TSHR: variants seen among roughly 807,000 people sequenced by gnomAD.
TSHR encodes the protein thyroid stimulating hormone receptor, also known as thyrotropin receptor.
In TSHR, 51 loss-of-function variants were observed where a neutral mutation model predicts 64.1. That is an observed-to-expected ratio of 0.80 (90% CI 0.64 to 1.01). TSHR has a LOEUF of 1.01. Among genes scored for constraint, TSHR ranks in the 50% least tolerant of loss-of-function variants. The pLI, the probability that TSHR is intolerant of heterozygous loss-of-function variation, is 0.00. For synonymous variants in TSHR, 361 were observed against 361.9 expected (o/e 1.00, Z 0.03); for missense variants, 877 against 942.8 (o/e 0.93, Z 0.91).
intron 1 of TSHR, among the ~76,000 whole-genome samples, chr14:81,037,419 C>CAAAAAAAAAAAAAAAAAAAAAAAAAAGGA (rs748986847): frequency 1.0e-5 from 1 of 99,068 alleles, no homozygotes; most frequent in African/African-American, 3.8e-5. Flanking sequence ...AAAGGAAATA[C>CAAAAAAAAAAAAAAAAAAAAAAAAAAGGA]AAAACAAACA....
rs1256134843 is a variant in TSHR at position 81,146,082 on chromosome 14, G to A, written c.*1729G>A. The A allele has an allele frequency of 2.6e-5, 6 of 229,522 alleles. No homozygotes were observed. The highest frequency in any genetic ancestry group is 1.1e-4 in the Admixed American group (2 of 17,658). 14.2% of individuals were successfully genotyped at this position (229,522 alleles called of 1,614,324 possible). ...AAAATCATGACTTACCTAGAAGTTC[G>A]CTTGTAACTAATGAAATTAAACAAA... On this transcript the variant is annotated 3_prime_UTR_variant, in exon 10 of 10. Transcript: ENST00000298171.
At chr14:81,051,658 G>A (rs1885440068) in intron 1 of TSHR, 1 of 152,126 alleles carries the variant, frequency 6.6e-6, no homozygotes, top group Non-Finnish European at 1.5e-5. Context: ...CCACAACACA[G>A]TGTGTGATGG....
At chr14:81,108,735 G>C in intron 8 of TSHR, 7 of 1,612,334 alleles carry the variant, frequency 4.3e-6, no homozygotes, top group African/African-American at 4.0e-5. Flanking sequence ...TCTGTTCATG[G>C]AGCAGCTGCT....
chr14:81,084,184 C>T (rs778025328), intron 3 of TSHR, among the ~76,000 whole-genome samples: 6 of 152,172 alleles, frequency 3.9e-5, no homozygotes, highest in East Asian at 1.9e-4. Context: ...CTAATCAATA[C>T]GCTTTAAGAG....
intron 1 of TSHR, among the ~76,000 whole-genome samples, chr14:81,035,874 A>AT (rs1218325902): frequency 7.4e-6 from 1 of 134,848 alleles, no homozygotes; most frequent in Admixed American, 7.0e-5. Flanking sequence ...GTCAAAAAAA[A>AT]TAAAAATAAA....
intron 1 of TSHR, among the ~76,000 whole-genome samples, chr14:80,970,051 G>A (rs531561376): frequency 7.2e-5 from 11 of 152,284 alleles, no homozygotes; most frequent in African/African-American, 2.6e-4. Context: ...ATCCTTTAGG[G>A]CCACCCTTGA....
intron 1 of TSHR, among the ~76,000 whole-genome samples, chr14:81,003,939 A>C (rs1270287801): frequency 6.6e-6 from 1 of 152,194 alleles, no homozygotes; most frequent in Non-Finnish European, 1.5e-5. Context: ...GAACCTGCCT[A>C]CTGATTTACT....
At chr14:81,112,560 C>A (rs143881689) in intron 8 of TSHR, among the ~76,000 whole-genome samples, 1 of 152,342 alleles carries the variant, frequency 6.6e-6, no homozygotes, top group South Asian at 2.1e-4. Flanking sequence ...TTCTTGCTCC[C>A]TCTCATTCCT....
chr14:81,007,209 A>T (rs1204818232), intron 1 of TSHR, among the ~76,000 whole-genome samples: 1 of 152,222 alleles, frequency 6.6e-6, no homozygotes, highest in East Asian at 1.9e-4. Context: ...AGGAAGAGAA[A>T]CCAGAGCTTG....
intron 8 of TSHR, among the ~76,000 whole-genome samples, chr14:81,128,984 A>G (rs1409786813): frequency 2.6e-5 from 4 of 152,140 alleles, no homozygotes; most frequent in African/African-American, 9.7e-5. Context: ...GGATGACTGA[A>G]ACAGAGGATA....
intron 1 of TSHR, among the ~76,000 whole-genome samples, chr14:80,966,606 T>A (rs1887311360): frequency 6.6e-6 from 1 of 151,730 alleles, no homozygotes; most frequent in African/African-American, 2.4e-5. Context: ...AATTTAAAAA[T>A]TTAAAAAAGT....
chr14:81,057,204 A>G (rs1322970243), intron 1 of TSHR, among the ~76,000 whole-genome samples: 3 of 152,188 alleles, frequency 2.0e-5, no homozygotes, highest in Non-Finnish European at 4.4e-5. Flanking sequence ...TGAGGTCAGG[A>G]GTTTGAGACC....
At chr14:81,133,991 G>A (rs1273888436) in intron 8 of TSHR, among the ~76,000 whole-genome samples, 1 of 152,148 alleles carries the variant, frequency 6.6e-6, no homozygotes, top group Non-Finnish European at 1.5e-5. Flanking sequence ...CAAGGAAACT[G>A]CAGCACACAA....
intron 8 of TSHR, among the ~76,000 whole-genome samples, chr14:81,124,719 T>A (rs1001116142): frequency 1.3e-5 from 2 of 151,132 alleles, no homozygotes; most frequent in African/African-American, 4.9e-5. Flanking sequence ...CATTTTTTTT[T>A]ATTCTAGCCA....
intron 1 of TSHR, among the ~76,000 whole-genome samples, chr14:81,031,181 G>A (rs2139821230): frequency 6.6e-6 from 1 of 152,250 alleles, no homozygotes. Context: ...TGGAAAGCTG[G>A]CCTGTTGGTG....
chr14:81,041,803 G>A (rs950677505), intron 1 of TSHR, among the ~76,000 whole-genome samples: 1 of 152,094 alleles, frequency 6.6e-6, no homozygotes, highest in Non-Finnish European at 1.5e-5. Context: ...TGTTACAACT[G>A]TCTACAGTTT....
At chr14:80,973,009 A>C (rs1323706605) in intron 1 of TSHR, among the ~76,000 whole-genome samples, 2 of 152,316 alleles carry the variant, frequency 1.3e-5, no homozygotes, top group Admixed American at 6.5e-5. Context: ...AGCTTGCAGC[A>C]ATTTTTGGAC....
At chr14:81,131,322 C>A (rs978098802) in intron 8 of TSHR, among the ~76,000 whole-genome samples, 2 of 152,180 alleles carry the variant, frequency 1.3e-5, no homozygotes, top group Non-Finnish European at 2.9e-5. Flanking sequence ...TCCAAAGCAC[C>A]ATCCTTTCTA....
At position 80,982,196 on chromosome 14, in the gene TSHR, G is replaced by A. The variant is rs143865502; in HGVS notation, c.170+26346G>A. ...CTAAGAACAAGGTCGGTGCTGAGAT[G>A]AAGGAAGGAGCCCCTGTCAGAGCCT... On this transcript the variant is annotated intron_variant, in intron 1 of 9. Coordinates refer to ENST00000298171, the MANE Select transcript of TSHR (RefSeq NM_000369.5). The A allele has an allele frequency of 6.8e-4, 399 of 586,120 alleles. 1 individual carries two copies. Among genetic ancestry groups the A allele is most frequent in the African/African-American group, 5.2e-3 (281 of 53,830 alleles). The allele number at this position is 586,120 out of a possible 1,614,324, so 36.3% of individuals were successfully genotyped here.
Sources: allele counts gnomAD v4.1 joint callset (sites outside exome capture counted in the v4.1 genomes callset), GRCh38; gene constraint gnomAD v4.1.1; transcripts MANE v1.5; gene names NCBI Gene and HGNC (gene_info 2026-07-23, HGNC 2026-07-21).